The following SLC39A11 variants were observed in gnomAD, a reference collection of about 807,000 sequenced individuals.
The protein encoded by SLC39A11 is zinc transporter ZIP11.
In SLC39A11, 33 loss-of-function variants were observed where a neutral mutation model predicts 36.1. The observed-to-expected ratio is 0.91, with a 90% CI of 0.69 to 1.22. The LOEUF (loss-of-function observed/expected upper bound fraction) is 1.22, where lower values mean the gene tolerates loss of function less well. Ranked by LOEUF, SLC39A11 falls within the 50% of genes most tolerant of loss-of-function variation. The pLI is 0.00. For missense variants in SLC39A11, 432 were observed against 430.3 expected (o/e 1.00, Z -0.03); for synonymous variants, 166 against 170.3 (o/e 0.97, Z 0.20).
At chr17:72,976,893 C>T (rs2087893157) in intron 4 of SLC39A11, among the ~76,000 whole-genome samples, 2 of 152,152 alleles carry the variant, frequency 1.3e-5, no homozygotes, top group South Asian at 2.1e-4. Flanking sequence ...TCTGTTAGGT[C>T]TCAGGATTAT....
At chr17:72,694,987 C>G (rs924691449) in intron 7 of SLC39A11, among the ~76,000 whole-genome samples, 2 of 152,076 alleles carry the variant, frequency 1.3e-5, no homozygotes, top group African/African-American at 4.8e-5. Context: ...TAGACCTTCC[C>G]TTGACCCTTC....
chr17:73,052,626 A>T (rs2143959787), intron 3 of SLC39A11, among the ~76,000 whole-genome samples: 1 of 152,300 alleles, frequency 6.6e-6, no homozygotes, highest in South Asian at 2.1e-4. Context: ...TGCAGAACAC[A>T]TTTATTTAGA....
At chr17:72,952,639 T>G (rs1253313510) in intron 4 of SLC39A11, among the ~76,000 whole-genome samples, 1 of 152,210 alleles carries the variant, frequency 6.6e-6, no homozygotes, top group African/African-American at 2.4e-5. Flanking sequence ...CCTCTCTTCT[T>G]TACTTGATAT....
intron 5 of SLC39A11, among the ~76,000 whole-genome samples, chr17:72,920,704 C>G (rs1198217527): frequency 6.7e-6 from 1 of 149,344 alleles, no homozygotes; most frequent in Non-Finnish European, 1.5e-5. Context: ...CACCTACACC[C>G]CATACACACA....
intron 3 of SLC39A11, among the ~76,000 whole-genome samples, chr17:73,041,218 C>A (rs2059104623): frequency 6.6e-6 from 1 of 152,060 alleles, no homozygotes; most frequent in African/African-American, 2.4e-5. Context: ...AGTAAAGGTA[C>A]AGGGATATGA....
Position 72,710,187 on chromosome 17 carries a change from CT to C in SLC39A11, c.671+26462del, listed in dbSNP as rs1448786445. Among the ~76,000 whole-genome samples, 3 of 152,334 alleles carry C rather than the reference CT, an allele frequency of 2.0e-5. No individual in the cohort carries two copies. The East Asian group carries it at 5.8e-4, about 29-fold the overall frequency. The stretch of plus-strand genomic sequence containing the variant: ...TCTACAATGCCAGTGCTGTTCTTAT[CT>C]CCTGCCAGTGACTTTCTACTCTGGC... On this transcript the variant is annotated intron_variant, in intron 7 of 9. Coordinates refer to ENST00000255559, the MANE Select transcript of SLC39A11 (RefSeq NM_139177.4).
intron 3 of SLC39A11, among the ~76,000 whole-genome samples, chr17:73,074,859 C>T (rs190710205): frequency 5.9e-5 from 9 of 152,316 alleles, no homozygotes; most frequent in East Asian, 1.9e-4. Context: ...TGCCTTTTCA[C>T]GCCTAGAAGT....
rs73998412 is a variant in SLC39A11 at position 72,806,583 on chromosome 17, A to C, written c.601+43051T>G. 9.3e-3 allele frequency among the ~76,000 whole-genome samples: 1,416 copies of C among 152,056 alleles called. 21 individuals carry two copies. Among genetic ancestry groups the C allele is most frequent in the African/African-American group, 0.028 (1,173 of 41,454 alleles). ...AGTTTGGGAAAGTTTTTATTGTATC[A>C]CTTTTGCACTTTTTTTTGAGACTGA... On this transcript the variant is annotated intron_variant, in intron 6 of 9. Coordinates refer to ENST00000255559, the MANE Select transcript of SLC39A11 (RefSeq NM_139177.4).
chr17:72,748,633 G>A (rs1328987276), intron 6 of SLC39A11, among the ~76,000 whole-genome samples: 1 of 152,204 alleles, frequency 6.6e-6, no homozygotes, highest in Non-Finnish European at 1.5e-5. Context: ...CAAACAACAG[G>A]TGAAGGCATC....
chr17:72,731,424 A>G (rs192929707), intron 7 of SLC39A11, among the ~76,000 whole-genome samples: 1 of 152,244 alleles, frequency 6.6e-6, no homozygotes, highest in East Asian at 1.9e-4. Flanking sequence ...GTGGGAGGTG[A>G]TTTGATCATG....
chr17:72,695,589 A>C (rs1164528466), intron 7 of SLC39A11, among the ~76,000 whole-genome samples: 1 of 152,140 alleles, frequency 6.6e-6, no homozygotes. Context: ...GCCATGTCCT[A>C]GAACCTAGGA....
chr17:73,067,052 C>T (rs2060016830), intron 3 of SLC39A11, among the ~76,000 whole-genome samples: 1 of 152,136 alleles, frequency 6.6e-6, no homozygotes, highest in South Asian at 2.1e-4. Context: ...AAGCAACATA[C>T]AAAATATACA....
At chr17:73,024,767 G>A (rs542853899) in intron 4 of SLC39A11, among the ~76,000 whole-genome samples, 5 of 151,746 alleles carry the variant, frequency 3.3e-5, no homozygotes, top group African/African-American at 9.7e-5. Context: ...GCGTGATCCC[G>A]GCTCACTGAA....
At chr17:72,739,129 ATT>A (rs10531579) in intron 6 of SLC39A11, among the ~76,000 whole-genome samples, 93,944 of 143,568 alleles carry the variant, frequency 0.65, 30,788 homozygotes, top group Non-Finnish European at 0.7. Context: ...AGAATTTCGG[ATT>A]TTTTTTTTTT....
At chr17:72,649,712 C>T (rs1278285461) in intron 7 of SLC39A11, among the ~76,000 whole-genome samples, 2 of 145,368 alleles carry the variant, frequency 1.4e-5, no homozygotes, top group African/African-American at 5.2e-5. Context: ...GGCATGATCT[C>T]GGCTCACTGC....
At chr17:72,980,460 A>T (rs2088215177) in intron 4 of SLC39A11, among the ~76,000 whole-genome samples, 1 of 152,198 alleles carries the variant, frequency 6.6e-6, no homozygotes, top group South Asian at 2.1e-4. Context: ...CATCGTCATA[A>T]ACCTGTCATT....
At chr17:72,802,348 G>A (rs2077114677) in intron 6 of SLC39A11, among the ~76,000 whole-genome samples, 5 of 152,122 alleles carry the variant, frequency 3.3e-5, no homozygotes, top group Admixed American at 3.3e-4. Flanking sequence ...CTAACACTTT[G>A]GGAGGCTGAG....
At chr17:72,661,878 G>A (rs1042411544) in intron 7 of SLC39A11, among the ~76,000 whole-genome samples, 1 of 152,188 alleles carries the variant, frequency 6.6e-6, no homozygotes, top group Non-Finnish European at 1.5e-5. Context: ...AGGCAGGGTG[G>A]TGGCTGAGGG....
At chr17:72,701,823 G>A (rs1196790309) in intron 7 of SLC39A11, among the ~76,000 whole-genome samples, 2 of 47,982 alleles carry the variant, frequency 4.2e-5, no homozygotes, top group Non-Finnish European at 1.0e-4. Flanking sequence ...TAGACACGCA[G>A]AGTGTGGTGG....
Sources: gnomAD v4.1 joint callset for allele counts (sites outside exome capture counted in the v4.1 genomes callset) on GRCh38, gnomAD v4.1.1 for gene constraint, MANE v1.5 for transcripts, NCBI Gene and HGNC (gene_info 2026-07-23, HGNC 2026-07-21) for gene names.